The following PITX3 variants were observed in gnomAD, a reference collection of about 807,000 sequenced individuals.
PITX3 encodes pituitary homeobox 3.
In PITX3, 4 loss-of-function variants were observed where a neutral mutation model predicts 14.2. That is an observed-to-expected ratio of 0.28 (90% CI 0.14 to 0.65). The LOEUF is 0.65. PITX3 is among the 30% of genes least tolerant of loss of function. The pLI is 0.82. For missense variants in PITX3, 358 were observed against 426.8 expected, an observed-to-expected ratio of 0.84 and a Z score of 1.42; for synonymous variants, 194 against 204.5, an observed-to-expected ratio of 0.95 and a Z score of 0.44.
Position 102,230,746 on chromosome 10 carries a change from G to A in PITX3, c.677C>T (p.Ala226Val), listed in dbSNP as rs1335065046. Residue 226 changes from alanine (A) to valine (V), a missense_variant, in exon 4 of 4, where the codon GCT (alanine) becomes GTT (valine). This residue lies in a region of PITX3 where 236 missense variants were observed against 250.2 expected (regional missense o/e 0.94). Transcript: ENST00000370002. ...QGLGGGPPGL[A>V]PAAVSSGAVS... Reference sequence around the variant, plus strand: ...GGCCCCGGAGGACACGGCGGCCGGAGCCAGCCCGGGGGGGCCCCCGCCCAG... The same window carrying A: ...GGCCCCGGAGGACACGGCGGCCGGAACCAGCCCGGGGGGGCCCCCGCCCAG... The A allele has an allele frequency of 1.3e-4, 198 of 1,489,892 alleles. No individual in the cohort carries two copies. Among genetic ancestry groups the A allele is most frequent in the Non-Finnish European group, 1.6e-4 (182 of 1,123,754 alleles). 92.3% of individuals were successfully genotyped at this position (1,489,892 alleles called of 1,614,324 possible).
At chr10:102,235,133 C>T (rs957454292) in intron 1 of PITX3, among the ~76,000 whole-genome samples, 3 of 150,418 alleles carry the variant, frequency 2.0e-5, no homozygotes, top group Non-Finnish European at 2.9e-5. Context: ...GGACAGCTGC[C>T]GGGGCTGTTT....
intron 1 of PITX3, among the ~76,000 whole-genome samples, chr10:102,240,300 C>T (rs778684181): frequency 1.3e-5 from 2 of 152,332 alleles, no homozygotes; most frequent in South Asian, 4.1e-4. Flanking sequence ...CCTCATTGGC[C>T]TTCTGTCCTC....
intron 1 of PITX3, among the ~76,000 whole-genome samples, chr10:102,239,878 G>T (rs1461874336): frequency 6.6e-6 from 1 of 152,210 alleles, no homozygotes; most frequent in Non-Finnish European, 1.5e-5. Context: ...AGTAAACCCG[G>T]CTGTTAGGTA....
chr10:102,239,732 C>T (rs978339587), intron 1 of PITX3, among the ~76,000 whole-genome samples: 6 of 152,238 alleles, frequency 3.9e-5, no homozygotes, highest in Non-Finnish European at 7.3e-5. Flanking sequence ...GCTGGGCTAT[C>T]TTGCTCACTT....
intron 1 of PITX3, among the ~76,000 whole-genome samples, chr10:102,240,904 C>A (rs1419936567): frequency 6.6e-6 from 1 of 152,172 alleles, no homozygotes; most frequent in Non-Finnish European, 1.5e-5. Flanking sequence ...GAGCCTAGGC[C>A]GAGGGGCATC....
intron 1 of PITX3, among the ~76,000 whole-genome samples, chr10:102,239,847 CTG>C (rs2070486812): frequency 6.6e-6 from 1 of 152,186 alleles, no homozygotes; most frequent in African/African-American, 2.4e-5. Flanking sequence ...AGAGTCAGGG[CTG>C]TATCCCAGCT....
In PITX3 at chr10:102,230,658, G is replaced by A. The variant is rs774054438; in HGVS notation, c.765C>T (p.Val255=). Residue 255 remains valine, a synonymous_variant, in exon 4 of 4, where the codon GTC becomes GTT. Transcript: ENST00000370002. ...GGCTCGAGTTACACGGGTCCCGATAGACGTAGGGGGAAGAGGCGGCAGCCG... is the reference window on the plus strand; with the variant it reads ...GGCTCGAGTTACACGGGTCCCGATAAACGTAGGGGGAAGAGGCGGCAGCCG... ...AAAAAASSPY[V]YRDPCNSSLA... 1.9e-6 allele frequency: 3 copies of A among 1,597,474 alleles called. No homozygotes were observed. Among genetic ancestry groups the A allele is most frequent in the East Asian group, 4.5e-5 (2 of 44,106 alleles).
At chr10:102,234,924 G>A (rs915933370) in intron 1 of PITX3, among the ~76,000 whole-genome samples, 1 of 152,142 alleles carries the variant, frequency 6.6e-6, no homozygotes, top group South Asian at 2.1e-4. Context: ...AGGAAAAGCC[G>A]AGGCCAGAAA....
rs1175993517 is a variant in PITX3 at position 102,231,708 on chromosome 10, C to G, written c.201G>C (p.Thr67=). Residue 67 remains threonine (T), a synonymous_variant, in exon 3 of 4, where the codon ACG becomes ACC. Transcript: ENST00000370002. ...SLKKKQRRQR[T]HFTSQQLQEL... ...CCTGTAGCTGCTGGCTGGTGAAGTGCGTGCGCTGCCGCCGCTGCTTCTTTT... is the reference window on the plus strand; with the variant it reads ...CCTGTAGCTGCTGGCTGGTGAAGTGGGTGCGCTGCCGCCGCTGCTTCTTTT... 2 of 1,609,332 alleles carry G rather than the reference C, an allele frequency of 1.2e-6. No homozygotes were observed. Among genetic ancestry groups the G allele is most frequent in the African/African-American group, 1.3e-5 (1 of 74,964 alleles).
At chr10:102,231,458 G>A (rs1244009144) in intron 3 of PITX3, 130 bp downstream of exon 3, 1 of 656,022 alleles carries the variant, frequency 1.5e-6, no homozygotes, top group Non-Finnish European at 2.6e-6. Context: ...GTGGGGCTGC[G>A]GCCGGGAGCC....
At chr10:102,239,752 C>T (rs191892415) in intron 1 of PITX3, among the ~76,000 whole-genome samples, 16 of 152,354 alleles carry the variant, frequency 1.1e-4, no homozygotes, top group Admixed American at 1.3e-4. Flanking sequence ...TATATGGACT[C>T]GTTCTCCCTG....
Sources: allele counts gnomAD v4.1 joint callset (sites outside exome capture counted in the v4.1 genomes callset), GRCh38; gene constraint gnomAD v4.1.1; regional missense constraint gnomAD v4.1.1; transcripts MANE v1.5; gene names NCBI Gene and HGNC (gene_info 2026-07-23, HGNC 2026-07-21).